GCLC: variants seen among roughly 807,000 people sequenced by gnomAD.
The protein encoded by GCLC is glutamate--cysteine ligase catalytic subunit.
A neutral mutation model predicts 81.5 loss-of-function variants in GCLC; 30 were observed. The observed-to-expected ratio is 0.37, with a 90% CI of 0.28 to 0.50. The LOEUF (loss-of-function observed/expected upper bound fraction) is 0.50, where lower values mean the gene tolerates loss of function less well. GCLC is among the 20% of genes least tolerant of loss of function. The probability of loss-of-function intolerance (pLI) is 0.96; values close to 1 mark genes in which losing one functional copy is unlikely to be tolerated. For missense variants in GCLC, 556 were observed against 777.4 expected, an observed-to-expected ratio of 0.72 and a Z score of 3.39; for synonymous variants, 262 against 273.3, an observed-to-expected ratio of 0.96 and a Z score of 0.41.
In GCLC at chr6:53,506,763, A is replaced by G. The variant is rs1411808840; in HGVS notation, c.1197+150T>C. ...AGTTCTTTACTGCACTGGGTAAATG[A>G]AAGTCTTATGAAATTTCTTTTGTGT... On this transcript the variant is annotated intron_variant, in intron 10 of 15. Coordinates refer to ENST00000650454, the MANE Select transcript of GCLC (RefSeq NM_001498.4). The surrounding 1 kb of genome is among the most constrained non-coding windows in gnomAD (Gnocchi z 4.0). The G allele has an allele frequency of 6.1e-6, 4 of 651,718 alleles. No individual in the cohort carries two copies. The highest frequency in any genetic ancestry group is 2.6e-5 in the Admixed American group (1 of 38,970). The allele number at this position is 651,718 out of a possible 1,614,324, so 40.4% of individuals were successfully genotyped here.
At position 53,544,751 on chromosome 6, in the gene GCLC, C is replaced by T. The variant is rs941607389; in HGVS notation, c.-106G>A. 1.8e-6 allele frequency: 2 copies of T among 1,125,762 alleles called. No individual in the cohort carries two copies. The highest frequency in any genetic ancestry group is 2.9e-5 in the Admixed American group (1 of 34,524). The allele number at this position is 1,125,762 out of a possible 1,614,324, so 69.7% of individuals were successfully genotyped here. On this transcript the variant is annotated 5_prime_UTR_variant, in exon 1 of 16. Coordinates refer to ENST00000650454, the MANE Select transcript of GCLC (RefSeq NM_001498.4). ...CCGCAGAAGGCGGCTGCCGCTCCAC[C>T]CCGCGGGGGCGCTCTCGGGCCGCAG...
chr6:53,505,747 G>A, intron 11 of GCLC, 56 bp downstream of exon 11: 1 of 999,978 alleles, frequency 1.0e-6, no homozygotes, highest in South Asian at 1.3e-5. Context: ...GAAGGGTGAT[G>A]AACAGCTGGC....
In GCLC at chr6:53,520,930, C is replaced by T; in HGVS notation, c.294G>A (p.Gly98=). The change falls in exon 3 of 16, where the codon GGG becomes GGA. Residue 98 remains glycine (G), a synonymous_variant. Transcript: ENST00000650454. Reference sequence around the variant, plus strand: ...CTGGTGTCCCTTCAATCATGTAACTCCCATACTCTGGTCTCCAAAGGGTAG... The same window carrying T: ...CTGGTGTCCCTTCAATCATGTAACTTCCATACTCTGGTCTCCAAAGGGTAG... ...NHPTLWRPEY[G]SYMIEGTPGQ... The T allele has an allele frequency of 6.2e-7, 1 of 1,613,834 alleles. No homozygotes were observed. The highest frequency in any genetic ancestry group is 1.1e-5 in the South Asian group (1 of 91,080).
chr6:53,517,553 A>G (rs17881277), intron 3 of GCLC, among the ~76,000 whole-genome samples: 2,191 of 152,254 alleles, frequency 0.014, 25 homozygotes, highest in Middle Eastern at 0.085. Context: ...AGCTATGTGC[A>G]TTATTTACTA....
At chr6:53,507,329 T>C in intron 9 of GCLC, 151 bp downstream of exon 9, 1 of 800,796 alleles carries the variant, frequency 1.2e-6, no homozygotes, top group East Asian at 2.5e-5. Flanking sequence ...ATTTGGAACC[T>C]GAAACTTTAG....
At chr6:53,512,567 T>C (rs975904970) in intron 6 of GCLC, among the ~76,000 whole-genome samples, 4 of 152,184 alleles carry the variant, frequency 2.6e-5, no homozygotes, top group Non-Finnish European at 5.9e-5. Flanking sequence ...ATTTCGGTGG[T>C]GAATTGGCAA....
In GCLC at chr6:53,517,094, T is replaced by TC. The variant is rs1284465749; in HGVS notation, c.447-873_447-872insG. ...TTAAAAAAAAATTTTTTTTTTTTTT[T>TC]TTTTTTTTCTGAGAAAGGGTCTTGC... On this transcript the variant is annotated intron_variant, in intron 3 of 15. Coordinates refer to ENST00000650454, the MANE Select transcript of GCLC (RefSeq NM_001498.4). 6.8e-5 allele frequency among the ~76,000 whole-genome samples: 10 copies of TC among 147,004 alleles called. 1 individual carries two copies. Among genetic ancestry groups the TC allele is most frequent in the Admixed American group, 2.0e-4 (3 of 14,736 alleles).
At chr6:53,532,256 C>G (rs1763185941) in intron 1 of GCLC, among the ~76,000 whole-genome samples, 1 of 152,226 alleles carries the variant, frequency 6.6e-6, no homozygotes, top group African/African-American at 2.4e-5. Flanking sequence ...CAGAAGGCCA[C>G]ATCTGGACCT....
chr6:53,534,470 G>GGAAAACC (rs1561951150), intron 1 of GCLC, among the ~76,000 whole-genome samples: 1 of 74,138 alleles, frequency 1.3e-5, no homozygotes, highest in East Asian at 4.5e-4. Flanking sequence ...CCTCCTACCT[G>GGAAAACC]AAAAACCAAA....
chr6:53,537,076 T>C (rs1348408320), intron 1 of GCLC, among the ~76,000 whole-genome samples: 1 of 152,224 alleles, frequency 6.6e-6, no homozygotes, highest in African/African-American at 2.4e-5. Flanking sequence ...TTTCTCACCT[T>C]TCCTCCTTTG....
At chr6:53,510,539 G>A (rs1052350410) in intron 6 of GCLC, 11 of 151,824 alleles carry the variant, frequency 7.2e-5, no homozygotes, top group Non-Finnish European at 1.3e-4. Context: ...ATAACTGCAA[G>A]TTGGGAACAG....
At chr6:53,538,357 C>T (rs1388100958) in intron 1 of GCLC, among the ~76,000 whole-genome samples, 4 of 148,644 alleles carry the variant, frequency 2.7e-5, no homozygotes, top group Admixed American at 6.8e-5. Context: ...GATGCAGTCT[C>T]GCTCTGCCGC....
chr6:53,507,690 T>A, intron 8 of GCLC, 72 bp from the exon 9 acceptor site: 1 of 648,680 alleles, frequency 1.5e-6, no homozygotes, highest in Non-Finnish European at 2.5e-6. Flanking sequence ...TATATGATAA[T>A]TATATAAAAA....
intron 1 of GCLC, among the ~76,000 whole-genome samples, chr6:53,541,690 G>A (rs1763358961): frequency 6.6e-6 from 1 of 152,070 alleles, no homozygotes; most frequent in South Asian, 2.1e-4. Context: ...TCATAAAACA[G>A]TAAAATGCTG....
intron 1 of GCLC, among the ~76,000 whole-genome samples, chr6:53,538,326 T>C (rs1185018625): frequency 7.5e-6 from 1 of 133,076 alleles, no homozygotes; most frequent in Non-Finnish European, 1.5e-5. Flanking sequence ...AAGCTATGCA[T>C]TTTCTTTTTT....
intron 6 of GCLC, 150 bp downstream of exon 6, chr6:53,514,054 T>C (rs985901323): frequency 9.0e-6 from 6 of 669,014 alleles, no homozygotes; most frequent in Non-Finnish European, 1.3e-5. Flanking sequence ...AATTTACTAA[T>C]ATAACTTCAT....
chr6:53,505,936 A>T, intron 10 of GCLC, 41 bp from the exon 11 acceptor site: 3 of 1,070,670 alleles, frequency 2.8e-6, no homozygotes, highest in South Asian at 1.2e-5. Context: ...CTTTTCACAC[A>T]TCCAGGAAAA....
chr6:53,527,101 C>A (rs529619257), intron 1 of GCLC, among the ~76,000 whole-genome samples: 53 of 152,282 alleles, frequency 3.5e-4, no homozygotes, highest in African/African-American at 1.2e-3. Flanking sequence ...GTCCTACATT[C>A]CTCCCAGAGA....
intron 1 of GCLC, among the ~76,000 whole-genome samples, chr6:53,534,599 T>C (rs924521775): frequency 3.9e-5 from 6 of 151,920 alleles, no homozygotes; most frequent in African/African-American, 1.5e-4. Flanking sequence ...GGCCCTACAA[T>C]TGCCCCCACT....
Sources: gnomAD v4.1 joint callset for allele counts (sites outside exome capture counted in the v4.1 genomes callset) on GRCh38, gnomAD v4.1.1 for gene constraint, Gnocchi (gnomAD v3.1) non-coding constraint, MANE v1.5 for transcripts, NCBI Gene and HGNC (gene_info 2026-07-23, HGNC 2026-07-21) for gene names.